Variants in PKHD1 observed in about 807,000 individuals in gnomAD.
PKHD1 encodes the protein fibrocystin.
In PKHD1, 291 loss-of-function variants were observed where a neutral mutation model predicts 412.0. That is an observed-to-expected ratio of 0.71 (90% CI 0.64 to 0.78). The LOEUF (loss-of-function observed/expected upper bound fraction) is 0.78, where lower values mean the gene tolerates loss of function less well. Ranked by LOEUF, PKHD1 falls within the 30% of genes least tolerant of loss-of-function variation. The pLI is 0.00. For missense variants in PKHD1, 4,825 were observed against 4,950.7 expected (o/e 0.97, Z 0.76); for synonymous variants, 1,777 against 1,821.5 (o/e 0.98, Z 0.62).
In PKHD1 at chr6:51,619,311, A is replaced by G. The variant is rs1411961204; in HGVS notation, c.11995T>C (p.Trp3999Arg). ...QQVYLQETGN[W>R]KEGQEQLLRY... The stretch of plus-strand genomic sequence containing the variant: ...AGCAACTGCTCTTGGCCCTCCTTCC[A>G]GTTCCCAGTCTCTTGCAGGTACACC... Residue 3999 changes from tryptophan (W) to arginine (R), a missense_variant, in exon 67 of 67, where the codon TGG (tryptophan) becomes CGG (arginine). Transcript: ENST00000371117. 1 of 1,614,234 alleles carries G rather than the reference A, an allele frequency of 6.2e-7. No homozygotes were observed. The highest frequency in any genetic ancestry group is 1.7e-5 in the Admixed American group (1 of 60,028).
At chr6:51,982,182 A>AGGT (rs1795465445) in intron 35 of PKHD1, among the ~76,000 whole-genome samples, 1 of 27,154 alleles carries the variant, frequency 3.7e-5, no homozygotes, top group African/African-American at 1.3e-4. Context: ...TCCGGGAGGG[A>AGGT]GGTGGGGGGG....
intron 13 of PKHD1, among the ~76,000 whole-genome samples, chr6:52,064,010 T>C (rs1279809242): frequency 2.0e-5 from 3 of 152,266 alleles, no homozygotes; most frequent in Non-Finnish European, 4.4e-5. Flanking sequence ...CTTGTTTCAG[T>C]AGTTTTGTTT....
At chr6:51,851,973 T>A (rs1463093322) in intron 49 of PKHD1, among the ~76,000 whole-genome samples, 2 of 152,132 alleles carry the variant, frequency 1.3e-5, no homozygotes, top group Non-Finnish European at 2.9e-5. Flanking sequence ...CTCTTGACTC[T>A]CTAGCTCTTT....
At position 51,909,465 on chromosome 6, in the gene PKHD1, T is replaced by C; in HGVS notation, c.6500A>G (p.Gln2167Arg). The change falls in exon 40 of 67, where the codon CAG becomes CGG. Residue 2167 changes from glutamine (Q) to arginine (R), a missense_variant. By Grantham distance (43) the Gln-to-Arg change is conservative (BLOSUM62 1). Coordinates refer to ENST00000371117, the MANE Select transcript of PKHD1 (RefSeq NM_138694.4). The part of the protein sequence containing the change: ...QEANAPEGNL[Q>R]HCLYSMSEKM... ...CTCACTCATGGAATACAAACAGTGCTGCAGATTACCTGAAATGCAAAATAA... is the reference window on the plus strand; with the variant it reads ...CTCACTCATGGAATACAAACAGTGCCGCAGATTACCTGAAATGCAAAATAA... The C allele has an allele frequency of 6.2e-7, 1 of 1,612,790 alleles. No individual in the cohort carries two copies. The highest frequency in any genetic ancestry group is 8.5e-7 in the Non-Finnish European group (1 of 1,178,978).
intron 49 of PKHD1, among the ~76,000 whole-genome samples, chr6:51,852,718 G>C (rs145826685): frequency 0.035 from 5,155 of 149,048 alleles, 112 homozygotes; most frequent in Middle Eastern, 0.068. Flanking sequence ...TCAGAGACTA[G>C]GATTGCAAAC....
At chr6:51,670,467 A>G (rs1774741562) in intron 60 of PKHD1, among the ~76,000 whole-genome samples, 1 of 151,428 alleles carries the variant, frequency 6.6e-6, no homozygotes, top group South Asian at 2.1e-4. Context: ...GGTTTCCTGA[A>G]TACAGCACAC....
At chr6:51,652,035 G>A (rs1430534101) in intron 61 of PKHD1, among the ~76,000 whole-genome samples, 2 of 152,102 alleles carry the variant, frequency 1.3e-5, no homozygotes, top group African/African-American at 4.8e-5. Flanking sequence ...TTGTGCTGTC[G>A]TTATCCAATT....
chr6:52,000,740 A>C (rs192998206), intron 35 of PKHD1, among the ~76,000 whole-genome samples: 1 of 152,352 alleles, frequency 6.6e-6, no homozygotes, highest in Non-Finnish European at 1.5e-5. Context: ...TATTATAATA[A>C]ATTTAAACAC....
chr6:51,686,232 T>C (rs772881714), intron 60 of PKHD1, among the ~76,000 whole-genome samples: 2 of 152,130 alleles, frequency 1.3e-5, no homozygotes, highest in Non-Finnish European at 2.9e-5. Flanking sequence ...CCTTCTACTG[T>C]TTATATTAAA....
At position 51,705,493 on chromosome 6, in the gene PKHD1, G is replaced by A. The variant is rs146089149; in HGVS notation, c.10156+38892C>T. ...GACAGTAGCTCCAGGGGGATTCTGG[G>A]TCAAAGAGCCTCAAAAATAGTTTGA... On this transcript the variant is annotated intron_variant, in intron 60 of 66. Coordinates refer to ENST00000371117, the MANE Select transcript of PKHD1 (RefSeq NM_138694.4). 7.2e-5 allele frequency among the ~76,000 whole-genome samples: 11 copies of A among 152,180 alleles called. No homozygotes were observed. The East Asian group carries it at 1.9e-3, about 27-fold the overall frequency.
At chr6:51,893,891 A>G (rs1430314855) in intron 43 of PKHD1, among the ~76,000 whole-genome samples, 1 of 152,194 alleles carries the variant, frequency 6.6e-6, no homozygotes, top group Non-Finnish European at 1.5e-5. Context: ...ATTCTCCTCA[A>G]ATTAAATGCA....
chr6:51,836,290 G>A (rs769756686), intron 51 of PKHD1, 114 bp downstream of exon 51: 8 of 764,892 alleles, frequency 1.0e-5, no homozygotes, highest in Admixed American at 1.8e-5. Flanking sequence ...AGACATATAA[G>A]CTTTAGGACT....
intron 32 of PKHD1, among the ~76,000 whole-genome samples, chr6:52,024,128 G>T (rs1801795135): frequency 6.6e-6 from 1 of 152,132 alleles, no homozygotes; most frequent in African/African-American, 2.4e-5. Context: ...TGTGCATTTG[G>T]CTTATTATTG....
rs146375261 is a variant in PKHD1 at position 51,956,399 on chromosome 6, G to A, written c.5908+3471C>T. 2.0e-4 allele frequency among the ~76,000 whole-genome samples: 30 copies of A among 151,922 alleles called. No homozygotes were observed. The East Asian group carries it at 5.6e-3, about 28-fold the overall frequency. Reference sequence around the variant, plus strand: ...GGAAAAGTGGTATTTAAGAGAGCAAGGGTTTAAAATATACACTTCTTAAAT... The same window carrying A: ...GGAAAAGTGGTATTTAAGAGAGCAAAGGTTTAAAATATACACTTCTTAAAT... On this transcript the variant is annotated intron_variant, in intron 36 of 66. Coordinates refer to ENST00000371117, the MANE Select transcript of PKHD1 (RefSeq NM_138694.4).
chr6:51,705,663 A>G (rs2766124), intron 60 of PKHD1, among the ~76,000 whole-genome samples: 87,029 of 151,942 alleles, frequency 0.57, 27,473 homozygotes, highest in Non-Finnish European at 0.7. Context: ...GTCCACTAAG[A>G]TTCATTTAGT....
In PKHD1 at chr6:51,896,639, C is replaced by A. The variant is rs1037167752; in HGVS notation, c.6996+6958G>T. On this transcript the variant is annotated intron_variant, in intron 43 of 66. Coordinates refer to ENST00000371117, the MANE Select transcript of PKHD1 (RefSeq NM_138694.4). Reference sequence around the variant, plus strand: ...CCTCCAAAGGAACGCAGTTCCTCACCAGCAACGGAACAAAGCTGGACGGAG... The same window carrying A: ...CCTCCAAAGGAACGCAGTTCCTCACAAGCAACGGAACAAAGCTGGACGGAG... Among the ~76,000 whole-genome samples the A allele has an allele frequency of 6.9e-4, 105 of 152,254 alleles. 1 individual carries two copies. The highest frequency in any genetic ancestry group is 2.4e-3 in the African/African-American group (101 of 41,532).
intron 50 of PKHD1, among the ~76,000 whole-genome samples, chr6:51,842,319 A>G (rs1770351885): frequency 6.6e-6 from 1 of 152,162 alleles, no homozygotes; most frequent in South Asian, 2.1e-4. Context: ...ATATGAATTT[A>G]TCACCGGCTG....
intron 65 of PKHD1, among the ~76,000 whole-genome samples, chr6:51,628,624 T>G (rs1767569603): frequency 6.6e-6 from 1 of 152,266 alleles, no homozygotes; most frequent in South Asian, 2.1e-4. Context: ...AAAACTTCTG[T>G]TTTAAGTTCT....
chr6:51,912,300 C>T (rs1244497856), intron 38 of PKHD1, 66 bp downstream of exon 38: 1 of 996,390 alleles, frequency 1.0e-6, no homozygotes, highest in Non-Finnish European at 1.6e-6. Flanking sequence ...TACAAATGTC[C>T]AGACCCCAAT....
Sources: allele counts gnomAD v4.1 joint callset (sites outside exome capture counted in the v4.1 genomes callset), GRCh38; gene constraint gnomAD v4.1.1; transcripts MANE v1.5; gene names NCBI Gene and HGNC (gene_info 2026-07-23, HGNC 2026-07-21).